Variants in VPS13B observed in about 807,000 individuals in gnomAD.
VPS13B encodes vacuolar protein sorting 13 homolog B.
VPS13B carries 285 observed loss-of-function variants against 426.4 expected under a neutral mutation model. The observed-to-expected ratio is 0.67, with a 90% CI of 0.61 to 0.74. The LOEUF is 0.74. VPS13B is among the 30% of genes least tolerant of loss of function. VPS13B has a pLI of 0.00. For synonymous variants in VPS13B, 1,676 were observed against 1,676.4 expected, an observed-to-expected ratio of 1.00 and a Z score of 0.01; for missense variants, 4,537 against 4,782.6, an observed-to-expected ratio of 0.95 and a Z score of 1.51.
chr8:99,804,563 A>G (rs979812709), intron 43 of VPS13B, among the ~76,000 whole-genome samples: 3 of 152,312 alleles, frequency 2.0e-5, no homozygotes, highest in Non-Finnish European at 4.4e-5. Flanking sequence ...TTTATGAACA[A>G]ATATCACCAC....
At chr8:99,473,329 G>A (rs750838506) in intron 24 of VPS13B, among the ~76,000 whole-genome samples, 49 of 151,910 alleles carry the variant, frequency 3.2e-4, no homozygotes, top group Non-Finnish European at 4.9e-4. Context: ...GGCCAACTAG[G>A]AATTATCTTA....
intron 24 of VPS13B, among the ~76,000 whole-genome samples, chr8:99,470,108 G>C (rs777833923): frequency 1.3e-5 from 2 of 152,278 alleles, no homozygotes; most frequent in Middle Eastern, 3.4e-3. Context: ...CGAGTTTATG[G>C]TACTTTGTTA....
chr8:99,643,455 T>C (rs921351343), intron 34 of VPS13B, among the ~76,000 whole-genome samples: 5 of 152,188 alleles, frequency 3.3e-5, no homozygotes, highest in African/African-American at 7.2e-5. Flanking sequence ...GAAAGGTAGA[T>C]GGCAGGTGTG....
chr8:99,079,001 T>C (rs1022731632), intron 3 of VPS13B, among the ~76,000 whole-genome samples: 1 of 151,522 alleles, frequency 6.6e-6, no homozygotes, highest in African/African-American at 2.4e-5. Context: ...TGCTGGAAGG[T>C]GTGTATGGGT....
In VPS13B at chr8:99,871,708, GA is replaced by G. The variant is rs1450725730; in HGVS notation, c.11745+15del. Reference sequence around the variant, plus strand: ...GCCTGTGATGTGGAGGTACGTTTCAGAAAACAGGGCAACCAAGACTAGCTGG... The same window carrying G: ...GCCTGTGATGTGGAGGTACGTTTCAGAAACAGGGCAACCAAGACTAGCTGG... On this transcript the variant is annotated intron_variant, in intron 61 of 61. Coordinates refer to ENST00000357162, the MANE Select transcript of VPS13B (RefSeq NM_152564.5). 4 of 1,612,950 alleles carry G rather than the reference GA, an allele frequency of 2.5e-6. No individual in the cohort carries two copies. In the African/African-American group the frequency reaches 5.3e-5, roughly 22 times the overall value.
At chr8:99,447,042 A>G (rs1200351734) in intron 23 of VPS13B, among the ~76,000 whole-genome samples, 1 of 152,064 alleles carries the variant, frequency 6.6e-6, no homozygotes, top group Non-Finnish European at 1.5e-5. Flanking sequence ...CTTTTAACTT[A>G]CGTGATTGCC....
intron 17 of VPS13B, among the ~76,000 whole-genome samples, chr8:99,254,233 A>AT (rs1051817310): frequency 5.9e-5 from 9 of 151,614 alleles, no homozygotes; most frequent in South Asian, 4.2e-4. Context: ...CTTATGACAC[A>AT]TTTTTTTTGT....
At chr8:99,047,920 T>C (rs1159081297) in intron 3 of VPS13B, among the ~76,000 whole-genome samples, 1 of 152,126 alleles carries the variant, frequency 6.6e-6, no homozygotes, top group Non-Finnish European at 1.5e-5. Flanking sequence ...ACTCCTGACC[T>C]CAGTGTATCC....
chr8:99,696,570 G>T, intron 35 of VPS13B: 1 of 532,864 alleles, frequency 1.9e-6, no homozygotes. Context: ...CAGCATGCCA[G>T]CATCCACGTT....
chr8:99,780,236 TTC>T (rs1457591700), intron 42 of VPS13B, among the ~76,000 whole-genome samples: 1 of 152,160 alleles, frequency 6.6e-6, no homozygotes, highest in Non-Finnish European at 1.5e-5. Flanking sequence ...TGGCTCCAAT[TTC>T]TGTTTTTTGG....
chr8:99,696,699 A>G lies in VPS13B; in HGVS notation c.6047-2826A>G. ...CTTGAAGAACATAGCAGCCAAGGGCAGTGCCACCAGACTTCTCCGTTTTCC... is the reference window on the plus strand; with the variant it reads ...CTTGAAGAACATAGCAGCCAAGGGCGGTGCCACCAGACTTCTCCGTTTTCC... On this transcript the variant is annotated intron_variant, in intron 35 of 61. Coordinates refer to ENST00000357162, the MANE Select transcript of VPS13B (RefSeq NM_152564.5). The G allele has an allele frequency of 5.0e-6, 4 of 804,582 alleles. No individual in the cohort carries two copies. In the Admixed American group the frequency reaches 5.2e-5, roughly 10 times the overall value. 49.8% of individuals were successfully genotyped at this position (804,582 alleles called of 1,614,324 possible).
intron 39 of VPS13B, among the ~76,000 whole-genome samples, chr8:99,760,489 G>C (rs145687003): frequency 6.6e-6 from 1 of 152,082 alleles, no homozygotes; most frequent in African/African-American, 2.4e-5. Flanking sequence ...CAAGGTCATA[G>C]AGCAGTGATT....
intron 2 of VPS13B, among the ~76,000 whole-genome samples, chr8:99,024,264 G>T (rs547700155): frequency 6.6e-6 from 1 of 152,372 alleles, no homozygotes; most frequent in African/African-American, 2.4e-5. Context: ...TTGTGCGTGT[G>T]TGTGAGAGCG....
At chr8:99,061,851 T>C (rs949325292) in intron 3 of VPS13B, among the ~76,000 whole-genome samples, 1 of 152,216 alleles carries the variant, frequency 6.6e-6, no homozygotes, top group Non-Finnish European at 1.5e-5. Context: ...CTCACAATGG[T>C]CAATAATAAT....
At chr8:99,856,500 A>G (rs1039042834) in intron 56 of VPS13B, among the ~76,000 whole-genome samples, 3 of 152,160 alleles carry the variant, frequency 2.0e-5, no homozygotes, top group Non-Finnish European at 4.4e-5. Context: ...AAACACCCTG[A>G]CCTCATTTCT....
intron 33 of VPS13B, among the ~76,000 whole-genome samples, chr8:99,602,191 G>C (rs1827334098): frequency 6.6e-6 from 1 of 152,112 alleles, no homozygotes; most frequent in South Asian, 2.1e-4. Flanking sequence ...TGTAAGGAAG[G>C]GGTCCAGTTC....
In VPS13B at chr8:99,111,109, G is replaced by A; in HGVS notation, c.592G>A (p.Val198Met). 1 of 1,600,194 alleles carries A rather than the reference G, an allele frequency of 6.2e-7. No homozygotes were observed. The highest frequency in any genetic ancestry group is 8.5e-7 in the Non-Finnish European group (1 of 1,173,056). Residue 198 changes from valine (V) to methionine (M), a missense_variant, in exon 6 of 62, where the codon GTG becomes ATG. Physicochemically the swap from Val to Met is conservative, Grantham distance 21. Transcript: ENST00000357162. Reference protein sequence around the residue: ...AFMDISATDLVLRKVINFSDC... With the variant: ...AFMDISATDLMLRKVINFSDC... ...TTTTTTCTTTTTAGCAACTGATTTG[G>A]TGCTGAGAAAGGTTATCAATTTTTC...
At chr8:99,754,786 A>G (rs1458697087) in intron 39 of VPS13B, among the ~76,000 whole-genome samples, 2 of 152,208 alleles carry the variant, frequency 1.3e-5, no homozygotes, top group East Asian at 3.8e-4. Context: ...TGTTAATGAC[A>G]TAAAATAGCA....
chr8:99,834,839 G>A (rs1174286838), intron 52 of VPS13B, among the ~76,000 whole-genome samples: 4 of 152,196 alleles, frequency 2.6e-5, no homozygotes, highest in Non-Finnish European at 4.4e-5. Context: ...GATTATAGGC[G>A]TGAGCCACCA....
Sources: allele counts gnomAD v4.1 joint callset (sites outside exome capture counted in the v4.1 genomes callset), GRCh38; gene constraint gnomAD v4.1.1; transcripts MANE v1.5; gene names NCBI Gene and HGNC (gene_info 2026-07-23, HGNC 2026-07-21).